The following MMUT variants were observed in gnomAD, a reference collection of about 807,000 sequenced individuals.
MMUT encodes the protein methylmalonyl-CoA mutase.
A neutral mutation model predicts 79.9 loss-of-function variants in MMUT; 79 were observed. That is an observed-to-expected ratio of 0.99 (90% confidence interval 0.82 to 1.19). The LOEUF is 1.19. Ranked by LOEUF, MMUT falls within the 50% of genes most tolerant of loss-of-function variation. The pLI, the probability that MMUT is intolerant of heterozygous loss-of-function variation, is 0.00. For synonymous variants in MMUT, 273 were observed against 295.7 expected (o/e 0.92, Z 0.79); for missense variants, 860 against 917.2 (o/e 0.94, Z 0.81).
In MMUT at chr6:49,457,716, G is replaced by A; in HGVS notation, c.728C>T (p.Ala243Val). 6.2e-7 allele frequency: 1 copy of A among 1,611,472 alleles called. No individual in the cohort carries two copies. The highest frequency in any genetic ancestry group is 8.5e-7 in the Non-Finnish European group (1 of 1,178,796). The change falls in exon 3 of 13, where the codon GCT becomes GTT. Residue 243 changes from alanine (A) to valine (V), a missense_variant. Ala to Val is a moderately conservative substitution (Grantham distance 64). Transcript: ENST00000274813. The part of the protein sequence containing the change: ...FPPEPSMKII[A>V]DIFEYTAKHM... ...CTTTGCTGTATATTCAAATATGTCA[G>A]CAATAATTTTCATGGATGGTTCTGG...
chr6:49,459,394 A>C lies in MMUT; in HGVS notation c.73T>G (p.Ser25Ala). 1 of 1,613,656 alleles carries C rather than the reference A, an allele frequency of 6.2e-7. No homozygotes were observed. The highest frequency in any genetic ancestry group is 8.5e-7 in the Non-Finnish European group (1 of 1,179,934). Residue 25 changes from serine to alanine, a missense_variant, in exon 2 of 13, where the codon TCC becomes GCC. Physicochemically the swap from Ser to Ala is moderately conservative, Grantham distance 99. Transcript: ENST00000274813. ...YLRQVKESSG[S>A]RLIQQRLLHQ... ...AGAAGTCGTTGCTGTATGAGCCTGG[A>C]GCCTGATGATTCTTTTACCTGCCTC...
chr6:49,459,281 G>T lies in MMUT; in HGVS notation c.186C>A (p.His62Gln). The change falls in exon 2 of 13, where the codon CAC (histidine) becomes CAA (glutamine). Residue 62 changes from histidine (H) to glutamine (Q), a missense_variant. His to Gln is a conservative substitution (Grantham distance 24). Coordinates refer to ENST00000274813, the MANE Select transcript of MMUT (RefSeq NM_000255.4). ...KGKNPEDLIW[H>Q]TPEGISIKPL... ...GTTTTATAGAGATCCCTTCCGGGGT[G>T]TGCCATATTAGGTCTTCTGGGTTTT... The T allele has an allele frequency of 1.2e-6, 2 of 1,614,162 alleles. No individual in the cohort carries two copies. The highest frequency in any genetic ancestry group is 1.7e-6 in the Non-Finnish European group (2 of 1,180,044).
intron 11 of MMUT, among the ~76,000 whole-genome samples, chr6:49,436,189 A>T (rs1767121031): frequency 6.6e-6 from 1 of 152,196 alleles, no homozygotes; most frequent in African/African-American, 2.4e-5. Context: ...AGTGTAAATT[A>T]GTTCAACCAT....
chr6:49,438,741 C>A (rs1218704623), intron 11 of MMUT, among the ~76,000 whole-genome samples: 1 of 151,938 alleles, frequency 6.6e-6, no homozygotes, highest in African/African-American at 2.4e-5. Context: ...AGGGCTAGAC[C>A]CACCCTTAAT....
At chr6:49,460,482 G>A (rs763017654) in intron 1 of MMUT, among the ~76,000 whole-genome samples, 11 of 152,084 alleles carry the variant, frequency 7.2e-5, no homozygotes, top group Non-Finnish European at 1.0e-4. Context: ...TGCATATTCC[G>A]GATAACTAGC....
chr6:49,444,694 C>A lies in MMUT; in HGVS notation c.1621G>T (p.Ala541Ser). The change falls in exon 9 of 13, where the codon GCT becomes TCT. Residue 541 changes from alanine to serine, a missense_variant. Coordinates refer to ENST00000274813, the MANE Select transcript of MMUT (RefSeq NM_000255.4). Reference sequence around the variant, plus strand: ...AGGATATTTCCATCTCCGCTAGCAGCACATTCGGTTAGTGCAGCAAGACAA... The same window carrying A: ...AGGATATTTCCATCTCCGCTAGCAGAACATTCGGTTAGTGCAGCAAGACAA... ...ERCLAALTEC[A>S]ASGDGNILAL... is the part of the protein sequence containing the mutation. 4 of 1,613,480 alleles carry A rather than the reference C, an allele frequency of 2.5e-6. No individual in the cohort carries two copies. Among genetic ancestry groups the A allele is most frequent in the Non-Finnish European group, 3.4e-6 (4 of 1,179,548 alleles).
intron 7 of MMUT, among the ~76,000 whole-genome samples, chr6:49,448,528 C>T (rs1474250283): frequency 6.6e-6 from 1 of 152,062 alleles, no homozygotes; most frequent in Non-Finnish European, 1.5e-5. Flanking sequence ...GCAGAGAACA[C>T]TGTGATCATC....
chr6:49,446,536 G>A (rs1767414023), intron 8 of MMUT, among the ~76,000 whole-genome samples: 1 of 151,696 alleles, frequency 6.6e-6, no homozygotes, highest in African/African-American at 2.4e-5. Flanking sequence ...CTATAAACTT[G>A]AGCAACTAAA....
intron 1 of MMUT, among the ~76,000 whole-genome samples, chr6:49,460,180 C>T (rs1561960473): frequency 6.6e-6 from 1 of 152,182 alleles, no homozygotes; most frequent in Non-Finnish European, 1.5e-5. Flanking sequence ...CTCCAATTTG[C>T]AGCGTTTCTA....
intron 7 of MMUT, 123 bp from the exon 8 acceptor site, chr6:49,447,908 C>A (rs1767452122): frequency 7.7e-6 from 5 of 652,474 alleles, no homozygotes; most frequent in African/African-American, 1.8e-5. Flanking sequence ...CTTAATGCAA[C>A]TTCAATATAG....
intron 5 of MMUT, 43 bp from the exon 6 acceptor site, chr6:49,451,757 A>T (rs376009062): frequency 5.0e-6 from 8 of 1,587,662 alleles, no homozygotes; most frequent in Non-Finnish European, 6.9e-6. Flanking sequence ...GAAACAGGTG[A>T]TAGATATTGC....
chr6:49,453,533 A>G, intron 5 of MMUT, 52 bp downstream of exon 5: 1 of 1,024,954 alleles, frequency 9.8e-7, no homozygotes. Flanking sequence ...GCTCAGAAAA[A>G]ATATATATAT....
At chr6:49,437,056 T>C (rs1256415535) in intron 11 of MMUT, among the ~76,000 whole-genome samples, 2 of 152,022 alleles carry the variant, frequency 1.3e-5, no homozygotes, top group East Asian at 3.9e-4. Flanking sequence ...GAACTTAAAA[T>C]AAAAGTTAAA....
In MMUT at chr6:49,459,116, T is replaced by C. The variant is rs1226020994; in HGVS notation, c.351A>G (p.Glu117=). ...IRQYAGFSTV[E]ESNKFYKDNI... ...TGTCCTTATAGAACTTATTGCTTTC[T>C]TCCACAGTACTAAAACCAGCATACT... Residue 117 remains glutamate (E), a synonymous_variant, in exon 2 of 13, where the codon GAA becomes GAG. Coordinates refer to ENST00000274813, the MANE Select transcript of MMUT (RefSeq NM_000255.4). The C allele has an allele frequency of 1.2e-6, 2 of 1,614,040 alleles. No homozygotes were observed. The highest frequency in any genetic ancestry group is 2.7e-5 in the African/African-American group (2 of 74,938).
At position 49,457,929 on chromosome 6, in the gene MMUT, AT is replaced by A. The variant is rs1767735337; in HGVS notation, c.514del (p.Ile172PhefsTer8). The A allele has an allele frequency of 1.2e-6, 2 of 1,613,508 alleles. No homozygotes were observed. Among genetic ancestry groups the A allele is most frequent in the Non-Finnish European group, 1.7e-6 (2 of 1,179,964 alleles). The part of the protein sequence containing the change: ...VAIDTVEDTK[I>X]LFDGIPLEKM... ...TTCTAAAGGAATTCCATCAAAAAGA[AT>A]TTTGGTATCTTCCACAGTGTCAATA... is the stretch of plus-strand genomic sequence containing the variant. On this transcript the variant is annotated frameshift_variant, in exon 3 of 13. Coordinates refer to ENST00000274813, the MANE Select transcript of MMUT (RefSeq NM_000255.4). LOFTEE classifies it high-confidence loss of function.
At chr6:49,461,551 C>T (rs4715131) in intron 1 of MMUT, among the ~76,000 whole-genome samples, 55,635 of 151,804 alleles carry the variant, frequency 0.37, 10,410 homozygotes, top group African/African-American at 0.42. Flanking sequence ...GGTGGATCAC[C>T]TGAGGTCAGG....
At chr6:49,462,246 A>G (rs1767870317) in intron 1 of MMUT, among the ~76,000 whole-genome samples, 3 of 152,250 alleles carry the variant, frequency 2.0e-5, no homozygotes, top group African/African-American at 7.2e-5. Context: ...TGAGTTAAAG[A>G]GCAATGATTA....
Position 49,459,200 on chromosome 6 carries a change from C to T in MMUT, c.267G>A (p.Lys89=), listed in dbSNP as rs1767771918. ...MDLPEELPGV[K]PFTRGPYPTM... ...TAGGATATGGTCCACGTGTGAATGGCTTCACTCCTGGAAGTTCTTCAGGTA... is the reference window on the plus strand; with the variant it reads ...TAGGATATGGTCCACGTGTGAATGGTTTCACTCCTGGAAGTTCTTCAGGTA... Residue 89 remains lysine, a synonymous_variant, in exon 2 of 13, where the codon AAG becomes AAA. Coordinates refer to ENST00000274813, the MANE Select transcript of MMUT (RefSeq NM_000255.4). 6.2e-7 allele frequency: 1 copy of T among 1,614,192 alleles called. No individual in the cohort carries two copies.
chr6:49,440,312 A>C lies in MMUT; in HGVS notation c.1850T>G (p.Leu617Arg), dbSNP rs1554158775. 3 of 1,614,092 alleles carry C rather than the reference A, an allele frequency of 1.9e-6. No individual in the cohort carries two copies. Among genetic ancestry groups the C allele is most frequent in the Non-Finnish European group, 2.5e-6 (3 of 1,179,986 alleles). ...ATCTTGTCCCATTTTTGCTACAAGA[A>C]GACGAGGTCTGCGACCTTCACGTTC... ...FMEREGRRPR[L>R]LVAKMGQDGH... The change falls in exon 11 of 13, where the codon CTT (leucine) becomes CGT (arginine). Residue 617 changes from leucine to arginine, a missense_variant. Coordinates refer to ENST00000274813, the MANE Select transcript of MMUT (RefSeq NM_000255.4).
Sources: gnomAD v4.1 joint callset for allele counts (sites outside exome capture counted in the v4.1 genomes callset) on GRCh38, gnomAD v4.1.1 for gene constraint, MANE v1.5 for transcripts, NCBI Gene and HGNC (gene_info 2026-07-23, HGNC 2026-07-21) for gene names.